The following CECR2 variants were observed in gnomAD, a reference collection of about 807,000 sequenced individuals.
CECR2 encodes the protein chromatin remodeling regulator CECR2.
In CECR2, 30 loss-of-function variants were observed where a neutral mutation model predicts 154.5. The observed-to-expected ratio is 0.19, with a 90% confidence interval of 0.15 to 0.26. The LOEUF (loss-of-function observed/expected upper bound fraction) is 0.26. Ranked by LOEUF, CECR2 falls within the 10% of genes least tolerant of loss-of-function variation. The pLI is 1.00. For synonymous variants in CECR2, 725 were observed against 683.7 expected, an observed-to-expected ratio of 1.06 and a Z score of -0.94; for missense variants, 1,743 against 1,829.3, an observed-to-expected ratio of 0.95 and a Z score of 0.86.
intron 1 of CECR2, among the ~76,000 whole-genome samples, chr22:17,397,437 C>CTT (rs2053828509): frequency 6.6e-6 from 1 of 151,312 alleles, no homozygotes; most frequent in South Asian, 2.1e-4. Context: ...CAGCCTTGAG[C>CTT]TTTTATATAG....
At chr22:17,373,950 T>A (rs1405718868) in intron 1 of CECR2, among the ~76,000 whole-genome samples, 1 of 152,210 alleles carries the variant, frequency 6.6e-6, no homozygotes, top group African/African-American at 2.4e-5. Context: ...GAAAGGCTAA[T>A]TGACCTCTCC....
chr22:17,524,307 T>C (rs368031555), intron 9 of CECR2, 36 bp downstream of exon 9: 7 of 1,598,964 alleles, frequency 4.4e-6, no homozygotes, highest in Non-Finnish European at 6.0e-6. Context: ...GAGAGGTGCA[T>C]GTCTGTCGAC....
chr22:17,506,040 T>C (rs1285251395), intron 7 of CECR2, among the ~76,000 whole-genome samples: 1 of 151,750 alleles, frequency 6.6e-6, no homozygotes, highest in East Asian at 1.9e-4. Flanking sequence ...AGAGACGAGG[T>C]CTTGCTCTGC....
At chr22:17,524,340 A>G in intron 9 of CECR2, 69 bp downstream of exon 9, 1 of 1,573,774 alleles carries the variant, frequency 6.4e-7, no homozygotes, top group East Asian at 2.3e-5. Context: ...AGCCAGAGCC[A>G]ACTCAAGCTA....
chr22:17,524,779 C>A, intron 9 of CECR2: 2 of 278,098 alleles, frequency 7.2e-6, no homozygotes, highest in South Asian at 2.6e-5. Context: ...CTTACTGCAA[C>A]CTCTGCCTCA....
intron 8 of CECR2, among the ~76,000 whole-genome samples, chr22:17,517,627 A>C (rs977210643): frequency 3.3e-5 from 5 of 152,198 alleles, no homozygotes; most frequent in African/African-American, 1.2e-4. Context: ...ATACAGTTTT[A>C]ATTTCGTAGG....
chr22:17,551,468 G>A (rs2056707006), intron 17 of CECR2, among the ~76,000 whole-genome samples: 6 of 152,236 alleles, frequency 3.9e-5, no homozygotes, highest in Admixed American at 3.9e-4. Flanking sequence ...CAGTTATCAT[G>A]GAGAGTGTTC....
intron 7 of CECR2, among the ~76,000 whole-genome samples, chr22:17,511,611 T>C (rs113179391): frequency 5.9e-5 from 9 of 152,110 alleles, no homozygotes; most frequent in African/African-American, 2.2e-4. Flanking sequence ...CAAGTTTTTG[T>C]TTTTATTTTT....
intron 1 of CECR2, among the ~76,000 whole-genome samples, chr22:17,363,422 C>T (rs1393979391): frequency 1.3e-5 from 2 of 152,116 alleles, no homozygotes; most frequent in African/African-American, 4.8e-5. Flanking sequence ...CGAGACCAGG[C>T]TGGTCTCGAA....
chr22:17,466,575 A>G (rs1163790946), intron 1 of CECR2, among the ~76,000 whole-genome samples: 3 of 150,408 alleles, frequency 2.0e-5, no homozygotes, highest in Non-Finnish European at 4.4e-5. Flanking sequence ...GATGGTAACC[A>G]CTATTGTTAC....
At chr22:17,473,702 T>G (rs1342978745) in intron 1 of CECR2, among the ~76,000 whole-genome samples, 3 of 152,220 alleles carry the variant, frequency 2.0e-5, no homozygotes, top group African/African-American at 7.2e-5. Context: ...AATAGACACT[T>G]TTAATGTGAA....
chr22:17,485,337 A>G (rs1439369755), intron 2 of CECR2, among the ~76,000 whole-genome samples: 2 of 152,216 alleles, frequency 1.3e-5, no homozygotes, highest in African/African-American at 4.8e-5. Context: ...AGTACAGGAG[A>G]AAAGTGTTAA....
At chr22:17,500,809 A>C (rs900874332) in intron 5 of CECR2, 74 bp downstream of exon 5, 5 of 1,108,358 alleles carry the variant, frequency 4.5e-6, no homozygotes, top group South Asian at 1.5e-5. Flanking sequence ...CTTTTTCTTT[A>C]TTTTGCCTGT....
rs143357108 is a variant in CECR2 at position 17,413,600 on chromosome 22, C to G, written c.126+43691C>G. ...TGACATTTTGGGCCTGCTCGCCAAACTATTCTGTAAGCTAGATGTGTGGTC... is the reference window on the plus strand; with the variant it reads ...TGACATTTTGGGCCTGCTCGCCAAAGTATTCTGTAAGCTAGATGTGTGGTC... On this transcript the variant is annotated intron_variant, in intron 1 of 18. Transcript: ENST00000262608. Among the ~76,000 whole-genome samples the G allele has an allele frequency of 1.3e-3, 191 of 152,172 alleles. 2 individuals are homozygous for G. The highest frequency in any genetic ancestry group is 4.2e-3 in the African/African-American group (175 of 41,494).
intron 2 of CECR2, among the ~76,000 whole-genome samples, chr22:17,496,848 A>G (rs2055638216): frequency 6.6e-6 from 1 of 152,198 alleles, no homozygotes; most frequent in Admixed American, 6.5e-5. Context: ...AGAATGTGCT[A>G]TTCGGGCTTT....
At chr22:17,526,539 G>GAC (rs1196789124) in intron 9 of CECR2, among the ~76,000 whole-genome samples, 7 of 152,114 alleles carry the variant, frequency 4.6e-5, no homozygotes, top group Non-Finnish European at 1.0e-4. Context: ...GGCCGGGCGT[G>GAC]ACGACTTATG....
At chr22:17,444,485 G>A (rs540173360) in intron 1 of CECR2, among the ~76,000 whole-genome samples, 4 of 152,116 alleles carry the variant, frequency 2.6e-5, no homozygotes, top group African/African-American at 7.2e-5. Flanking sequence ...AATATTAGGC[G>A]ACGTGGTGGT....
At chr22:17,398,836 C>G (rs2053851083) in intron 1 of CECR2, among the ~76,000 whole-genome samples, 1 of 152,146 alleles carries the variant, frequency 6.6e-6, no homozygotes, top group Non-Finnish European at 1.5e-5. Flanking sequence ...AGTTACATTA[C>G]AAAACAATAT....
At chr22:17,370,943 G>A (rs2063053409) in intron 1 of CECR2, among the ~76,000 whole-genome samples, 1 of 152,182 alleles carries the variant, frequency 6.6e-6, no homozygotes, top group Non-Finnish European at 1.5e-5. Flanking sequence ...TGGCAACTGC[G>A]TTGGTCAGTT....
Sources: gnomAD v4.1 joint callset for allele counts (sites outside exome capture counted in the v4.1 genomes callset) on GRCh38, gnomAD v4.1.1 for gene constraint, MANE v1.5 for transcripts, NCBI Gene and HGNC (gene_info 2026-07-23, HGNC 2026-07-21) for gene names.